The following ZMIZ2 variants were observed in gnomAD, a reference collection of about 807,000 sequenced individuals.
ZMIZ2 encodes the protein zinc finger MIZ-type containing 2, also known as zinc finger MIZ domain-containing protein 2.
A neutral mutation model predicts 93.9 loss-of-function variants in ZMIZ2; 26 were observed. The observed-to-expected ratio is 0.28, with a 90% CI of 0.20 to 0.38. The LOEUF (loss-of-function observed/expected upper bound fraction) is 0.38. Ranked by LOEUF, ZMIZ2 falls within the 10% of genes least tolerant of loss-of-function variation. The pLI, the probability that ZMIZ2 is intolerant of heterozygous loss-of-function variation, is 1.00. For missense variants in ZMIZ2, 1,023 were observed against 1,235.0 expected (o/e 0.83, Z 2.57); for synonymous variants, 485 against 516.4 (o/e 0.94, Z 0.82).
chr7:44,765,688 T>G lies in ZMIZ2; in HGVS notation c.2242+109T>G. 2 of 1,437,234 alleles carry G rather than the reference T, an allele frequency of 1.4e-6. No homozygotes were observed. The highest frequency in any genetic ancestry group is 1.9e-6 in the Non-Finnish European group (2 of 1,067,684). 89.0% of individuals were successfully genotyped at this position (1,437,234 alleles called of 1,614,324 possible). A position where few individuals can be genotyped will look rare whatever the true frequency, so the allele number is the denominator to read the frequency against. ...AATGTGGCTATGCAGGTCACACACC[T>G]AGGTTATCAGTGTTGCCACACAAAA... On this transcript the variant is annotated intron_variant, in intron 16 of 18. Coordinates refer to ENST00000309315, the MANE Select transcript of ZMIZ2 (RefSeq NM_031449.4). This position sits in a 1 kb window ranked among gnomAD's most constrained non-coding sequence, Gnocchi z 4.1.
chr7:44,762,869 G>A lies in ZMIZ2; in HGVS notation c.1597-12G>A, dbSNP rs767646789. Reference sequence around the variant, plus strand: ...CAAGTCCCCCTGATGACATCCTCCCGTTGTATTGCAGTCCCACCTCTTCGT... The same window carrying A: ...CAAGTCCCCCTGATGACATCCTCCCATTGTATTGCAGTCCCACCTCTTCGT... On this transcript the variant is annotated splice_polypyrimidine_tract_variant and intron_variant, in intron 11 of 18. Transcript: ENST00000309315. 28 of 1,590,400 alleles carry A rather than the reference G, an allele frequency of 1.8e-5. No homozygotes were observed. The highest frequency in any genetic ancestry group is 1.7e-4 in the Middle Eastern group (1 of 5,966).
chr7:44,766,561 G>A lies in ZMIZ2; in HGVS notation c.2553G>A (p.Ala851=), dbSNP rs202172684. The A allele has an allele frequency of 1.1e-5, 17 of 1,613,858 alleles. No individual in the cohort carries two copies. The highest frequency in any genetic ancestry group is 1.6e-4 in the Middle Eastern group (1 of 6,062). ...CGTCCCGGCAGTCCTTGGGCCAAGCGAGCTTAGGACCTACGGGTGAACTGG... is the reference window on the plus strand; with the variant it reads ...CGTCCCGGCAGTCCTTGGGCCAAGCAAGCTTAGGACCTACGGGTGAACTGG... ...PPASRQSLGQ[A]SLGPTGELAF... is the part of the protein sequence containing the mutation. The change falls in exon 18 of 19, where the codon GCG becomes GCA. Residue 851 remains alanine, a synonymous_variant. Coordinates refer to ENST00000309315, the MANE Select transcript of ZMIZ2 (RefSeq NM_031449.4). This position sits in a 1 kb window ranked among gnomAD's most constrained non-coding sequence, Gnocchi z 4.4.
At chr7:44,764,585 C>G (rs2116873388) in intron 14 of ZMIZ2, 99 bp downstream of exon 14, 2 of 1,360,972 alleles carry the variant, frequency 1.5e-6, no homozygotes, top group Admixed American at 3.8e-5. Flanking sequence ...TACGAGCCTG[C>G]TGGGAGGAGT....
At position 44,763,667 on chromosome 7, in the gene ZMIZ2, G is replaced by A; in HGVS notation, c.1860+254G>A. Reference sequence around the variant, plus strand: ...TCATTCATGGGTTCAAGTTTTGAAAGGCATAAGATTGCAGGGTCCAGTCTT... The same window carrying A: ...TCATTCATGGGTTCAAGTTTTGAAAAGCATAAGATTGCAGGGTCCAGTCTT... On this transcript the variant is annotated intron_variant, in intron 13 of 18. Coordinates refer to ENST00000309315, the MANE Select transcript of ZMIZ2 (RefSeq NM_031449.4). The surrounding 1 kb of genome is among the most constrained non-coding windows in gnomAD (Gnocchi z 5.6). The A allele has an allele frequency of 1.9e-6, 1 of 528,420 alleles. No individual in the cohort carries two copies. Among genetic ancestry groups the A allele is most frequent in the Non-Finnish European group, 3.3e-6 (1 of 299,494 alleles). 32.7% of individuals were successfully genotyped at this position (528,420 alleles called of 1,614,324 possible). A position where few individuals can be genotyped will look rare whatever the true frequency, so the allele number is the denominator to read the frequency against.
At chr7:44,751,010 G>T (rs1790094913) in intron 1 of ZMIZ2, 1 of 152,238 alleles carries the variant, frequency 6.6e-6, no homozygotes. Flanking sequence ...GAGACTGGAA[G>T]TCTTTTCAGA....
In ZMIZ2 at chr7:44,767,832, T is replaced by G; in HGVS notation, c.*209T>G. Reference sequence around the variant, plus strand: ...GAGGGGCTCCCAGGCCGGCAGCCCTTGCCACCTCCCTCTGCCAAGCCTGCT... The same window carrying G: ...GAGGGGCTCCCAGGCCGGCAGCCCTGGCCACCTCCCTCTGCCAAGCCTGCT... On this transcript the variant is annotated 3_prime_UTR_variant, in exon 19 of 19. Transcript: ENST00000309315. 1.7e-6 allele frequency: 1 copy of G among 596,308 alleles called. No homozygotes were observed. The highest frequency in any genetic ancestry group is 2.0e-5 in the South Asian group (1 of 51,172). The allele number at this position is 596,308 out of a possible 1,614,324, so 36.9% of individuals were successfully genotyped here.
rs371322762 is a variant in ZMIZ2, at chr7:44,757,856, C to T, written c.561C>T (p.Ala187=). 59 of 1,573,044 alleles carry T rather than the reference C, an allele frequency of 3.8e-5. No individual in the cohort carries two copies. The East Asian group carries it at 4.8e-4, about 13-fold the overall frequency. ...CTTTTTTCTCTTCCTAGATGGGGGC[C>T]GGACAGTCTTTTAACAGCCAGTTTC... ...QELSQYGAMG[A]GQSFNSQFLQ... The change falls in exon 6 of 19, where the codon GCC becomes GCT. Residue 187 remains alanine (A), a synonymous_variant. Coordinates refer to ENST00000309315, the MANE Select transcript of ZMIZ2 (RefSeq NM_031449.4).
At position 44,761,496 on chromosome 7, in the gene ZMIZ2, G is replaced by C. The variant is rs1222420377; in HGVS notation, c.1288G>C (p.Gly430Arg). The C allele has an allele frequency of 1.9e-6, 3 of 1,614,052 alleles. No homozygotes were observed. In the Admixed American group the frequency reaches 5.0e-5, roughly 27 times the overall value. ...ELRLTFPVRD[G>R]VVLEPFRLQH... The stretch of plus-strand genomic sequence containing the variant: ...GCGGCTGACCTTCCCTGTGCGCGAT[G>C]GGGTGGTCCTGGAGCCCTTCCGCCT... The change falls in exon 10 of 19, where the codon GGG becomes CGG. Residue 430 changes from glycine to arginine, a missense_variant. By Grantham distance (125) the Gly-to-Arg change is moderately radical. Transcript: ENST00000309315. This position sits in a 1 kb window ranked among gnomAD's most constrained non-coding sequence, Gnocchi z 5.8.
rs926925775 is a variant in ZMIZ2 at position 44,756,815 on chromosome 7, C to T, written c.166-132C>T. 1.6e-5 allele frequency: 18 copies of T among 1,138,202 alleles called. No individual in the cohort carries two copies. In the East Asian group the frequency reaches 2.1e-4, roughly 13 times the overall value. 70.5% of individuals were successfully genotyped at this position (1,138,202 alleles called of 1,614,324 possible). A position where few individuals can be genotyped will look rare whatever the true frequency, so the allele number is the denominator to read the frequency against. Reference sequence around the variant, plus strand: ...GTGGACAGCTGCTTTCCCTGCTTCCCGTGCTATACCCTGTCCCCCCCACCT... The same window carrying T: ...GTGGACAGCTGCTTTCCCTGCTTCCTGTGCTATACCCTGTCCCCCCCACCT... On this transcript the variant is annotated intron_variant, in intron 3 of 18. Coordinates refer to ENST00000309315, the MANE Select transcript of ZMIZ2 (RefSeq NM_031449.4).
intron 6 of ZMIZ2, among the ~76,000 whole-genome samples, chr7:44,758,471 C>CAAA (rs554628430): frequency 1.4e-5 from 1 of 69,020 alleles, no homozygotes; most frequent in African/African-American, 5.1e-5. Context: ...GACCCTGTTT[C>CAAA]AAAAAAAAAA....
In ZMIZ2 at chr7:44,761,064, T is replaced by C. The variant is rs921264449; in HGVS notation, c.1241-385T>C. On this transcript the variant is annotated intron_variant, in intron 9 of 18. Transcript: ENST00000309315. The surrounding 1 kb of genome is among the most constrained non-coding windows in gnomAD (Gnocchi z 5.8). ...ACCACAGCAGCAGAAGTTGGGATCG[T>C]AGAACTCTAAACAGAGCTATAGGGC... Among the ~76,000 whole-genome samples the C allele has an allele frequency of 1.3e-5, 2 of 152,166 alleles. No homozygotes were observed. The highest frequency in any genetic ancestry group is 6.5e-5 in the Admixed American group (1 of 15,270).
intron 1 of ZMIZ2, among the ~76,000 whole-genome samples, chr7:44,751,967 G>GA (rs575364142): frequency 0.013 from 1,834 of 136,286 alleles, 56 homozygotes; most frequent in East Asian, 0.085. Context: ...ATCTCAAAAA[G>GA]AAAAAAAAAA....
In ZMIZ2 at chr7:44,769,739, C is replaced by T. The variant is rs1583672810; in HGVS notation, c.*2116C>T. 6.6e-6 allele frequency: 1 copy of T among 152,492 alleles called. No individual in the cohort carries two copies. Among genetic ancestry groups the T allele is most frequent in the South Asian group, 2.1e-4 (1 of 4,834 alleles). The allele number at this position is 152,492 out of a possible 1,614,324, so 9.4% of individuals were successfully genotyped here. A position where few individuals can be genotyped will look rare whatever the true frequency, so the allele number is the denominator to read the frequency against. On this transcript the variant is annotated 3_prime_UTR_variant, in exon 19 of 19. Transcript: ENST00000309315. ...TGCAAACAACCCAGAAGCCCATCCTCAGAAGACTGGAGAAATGATTGAGGA... is the reference window on the plus strand; with the variant it reads ...TGCAAACAACCCAGAAGCCCATCCTTAGAAGACTGGAGAAATGATTGAGGA...
chr7:44,758,096 A>G lies in ZMIZ2; in HGVS notation c.801A>G (p.Arg267=). 2 of 1,573,532 alleles carry G rather than the reference A, an allele frequency of 1.3e-6. No individual in the cohort carries two copies. Among genetic ancestry groups the G allele is most frequent in the Non-Finnish European group, 1.7e-6 (2 of 1,162,262 alleles). Residue 267 remains arginine (R), a synonymous_variant, in exon 6 of 19, where the codon AGA becomes AGG. Transcript: ENST00000309315. ...CACTGCCCCGACAGGGGGTCAAGAG[A>G]ACCTACTCTGAGGTGAGTGTCCAGG... is the stretch of plus-strand genomic sequence containing the variant. ...AQPLPRQGVK[R]TYSEVYPGQQ...
chr7:44,765,758 C>A lies in ZMIZ2; in HGVS notation c.2242+179C>A. 2 of 1,074,380 alleles carry A rather than the reference C, an allele frequency of 1.9e-6. No individual in the cohort carries two copies. The highest frequency in any genetic ancestry group is 2.6e-6 in the Non-Finnish European group (2 of 769,106). The allele number at this position is 1,074,380 out of a possible 1,614,324, so 66.6% of individuals were successfully genotyped here. A position where few individuals can be genotyped will look rare whatever the true frequency, so the allele number is the denominator to read the frequency against. On this transcript the variant is annotated intron_variant, in intron 16 of 18. Coordinates refer to ENST00000309315, the MANE Select transcript of ZMIZ2 (RefSeq NM_031449.4). This position sits in a 1 kb window ranked among gnomAD's most constrained non-coding sequence, Gnocchi z 4.1. ...AGCCCCTCCCATCTCAGGGACGTGG[C>A]GGTGAAGGCACAGTCTCAGCTATGG...
At chr7:44,752,547 C>A (rs911272400) in intron 1 of ZMIZ2, among the ~76,000 whole-genome samples, 1 of 152,196 alleles carries the variant, frequency 6.6e-6, no homozygotes, top group African/African-American at 2.4e-5. Context: ...CCCTGGCAAT[C>A]ACCAATCTGT....
chr7:44,767,567 C>T lies in ZMIZ2; in HGVS notation c.2707C>T (p.Pro903Ser). The change falls in exon 19 of 19, where the codon CCC (proline) becomes TCC (serine). Residue 903 changes from proline (P) to serine (S), a missense_variant. Around this residue, in one of 3 missense-constraint regions of ZMIZ2, gnomAD observed 319 missense variants for 358.8 expected, o/e 0.89. Transcript: ENST00000309315. ...TGAGCTACTGTCCTACTTGGGCCCA[C>T]CCGACCTCCCTACGAACAACAATGA... is the stretch of plus-strand genomic sequence containing the variant. Reference protein sequence around the residue: ...PDELLSYLGPPDLPTNNNDDL... With the variant: ...PDELLSYLGPSDLPTNNNDDL... The T allele has an allele frequency of 6.2e-7, 1 of 1,614,160 alleles. No homozygotes were observed. The highest frequency in any genetic ancestry group is 8.5e-7 in the Non-Finnish European group (1 of 1,180,030).
chr7:44,760,695 G>A, intron 9 of ZMIZ2, 102 bp downstream of exon 9: 8 of 1,419,310 alleles, frequency 5.6e-6, no homozygotes, highest in Non-Finnish European at 7.7e-6. Flanking sequence ...GGGGACAGGG[G>A]ATGGCTGCCA....
At chr7:44,762,406 C>T (rs1791292432) in intron 11 of ZMIZ2, among the ~76,000 whole-genome samples, 1 of 152,198 alleles carries the variant, frequency 6.6e-6, no homozygotes, top group Non-Finnish European at 1.5e-5. Context: ...CAGGGTCACC[C>T]TTGGGCTAGA....
Sources: allele counts gnomAD v4.1 joint callset (sites outside exome capture counted in the v4.1 genomes callset), GRCh38; gene constraint gnomAD v4.1.1; regional missense constraint gnomAD v4.1.1; non-coding constraint Gnocchi (gnomAD v3.1); transcripts MANE v1.5; gene names NCBI Gene and HGNC (gene_info 2026-07-23, HGNC 2026-07-21).